ANO6: variants seen among roughly 807,000 people sequenced by gnomAD.
The protein encoded by ANO6 is anoctamin-6.
ANO6 carries 106 observed loss-of-function variants against 117.5 expected under a neutral mutation model. That is an observed-to-expected ratio of 0.90 (90% CI 0.77 to 1.06). The LOEUF is 1.06. ANO6 is among the 50% of genes least tolerant of loss of function. The probability of loss-of-function intolerance (pLI) is 0.00; values close to 1 mark genes in which losing one functional copy is unlikely to be tolerated. For missense variants in ANO6, 955 were observed against 1,121.1 expected, an observed-to-expected ratio of 0.85 and a Z score of 2.12; for synonymous variants, 367 against 385.1, an observed-to-expected ratio of 0.95 and a Z score of 0.55.
At chr12:45,306,336 A>G (rs1239954477) in intron 2 of ANO6, among the ~76,000 whole-genome samples, 1 of 152,196 alleles carries the variant, frequency 6.6e-6, no homozygotes, top group Non-Finnish European at 1.5e-5. Flanking sequence ...ATAATAAGAA[A>G]GAATTTGGGA....
chr12:45,260,405 A>G (rs928188527), intron 1 of ANO6, among the ~76,000 whole-genome samples: 4 of 152,218 alleles, frequency 2.6e-5, no homozygotes, highest in Non-Finnish European at 5.9e-5. Flanking sequence ...GTTGAATCTG[A>G]TGCAATCTCA....
At chr12:45,248,063 A>C (rs1050002187) in intron 1 of ANO6, among the ~76,000 whole-genome samples, 1 of 152,176 alleles carries the variant, frequency 6.6e-6, no homozygotes, top group Non-Finnish European at 1.5e-5. Flanking sequence ...TGCTAATATC[A>C]CCACAGATAA....
chr12:45,438,799 C>T (rs1376541179), intron 19 of ANO6, among the ~76,000 whole-genome samples: 1 of 152,084 alleles, frequency 6.6e-6, no homozygotes, highest in Non-Finnish European at 1.5e-5. Context: ...TAGAGGCCCA[C>T]TGCAAAAACA....
At chr12:45,344,187 A>G (rs181883980) in intron 3 of ANO6, among the ~76,000 whole-genome samples, 8 of 152,320 alleles carry the variant, frequency 5.3e-5, no homozygotes, top group Non-Finnish European at 1.0e-4. Flanking sequence ...AAGTTTCTCT[A>G]TATTTCCTCT....
At chr12:45,281,273 T>A (rs1351960710) in intron 1 of ANO6, among the ~76,000 whole-genome samples, 1 of 152,266 alleles carries the variant, frequency 6.6e-6, no homozygotes. Context: ...GTCCTCATGA[T>A]GCTTGTAGTC....
chr12:45,406,620 G>A (rs1300950077), intron 15 of ANO6, among the ~76,000 whole-genome samples: 1 of 152,064 alleles, frequency 6.6e-6, no homozygotes, highest in Non-Finnish European at 1.5e-5. Context: ...TGTTTTAGGA[G>A]AAAATGTCCC....
intron 8 of ANO6, among the ~76,000 whole-genome samples, chr12:45,366,504 T>G (rs1429559328): frequency 1.3e-5 from 2 of 152,224 alleles, no homozygotes; most frequent in East Asian, 3.9e-4. Flanking sequence ...CAGTTCTCAC[T>G]TTACTAATTT....
intron 2 of ANO6, among the ~76,000 whole-genome samples, chr12:45,302,443 G>A (rs147855970): frequency 7.2e-5 from 11 of 152,260 alleles, no homozygotes; most frequent in Non-Finnish European, 1.3e-4. Context: ...CAGTCTTTAA[G>A]CATATACAGG....
chr12:45,378,833 CT>C (rs1479388200), intron 10 of ANO6, among the ~76,000 whole-genome samples: 1 of 152,102 alleles, frequency 6.6e-6, no homozygotes. Context: ...TCATACACTT[CT>C]ATGTGAGCGG....
intron 17 of ANO6, among the ~76,000 whole-genome samples, chr12:45,417,273 G>A (rs190326244): frequency 5.5e-4 from 84 of 152,014 alleles, no homozygotes; most frequent in Admixed American, 3.0e-3. Flanking sequence ...AGAGTTTGAG[G>A]GCCCTAAAAT....
intron 1 of ANO6, among the ~76,000 whole-genome samples, chr12:45,281,055 C>CGT (rs1233320577): frequency 2.0e-5 from 3 of 151,960 alleles, no homozygotes; most frequent in South Asian, 2.1e-4. Context: ...TTTCCATCAA[C>CGT]GTGTGTATGT....
At position 45,297,168 on chromosome 12, in the gene ANO6, T is replaced by C. The variant is rs74825202; in HGVS notation, c.71-4846T>C. ...TTTGTGCCAGGCCTTGGTATACTTT[T>C]ACTTGCTCTCTCTCTATATATTCAC... On this transcript the variant is annotated intron_variant, in intron 1 of 19. Coordinates refer to ENST00000320560, the MANE Select transcript of ANO6 (RefSeq NM_001025356.3). Among the ~76,000 whole-genome samples, 565 of 152,332 alleles carry C rather than the reference T, an allele frequency of 3.7e-3. 1 individual carries two copies. Among genetic ancestry groups the C allele is most frequent in the Non-Finnish European group, 6.7e-3 (458 of 68,026 alleles).
At chr12:45,414,038 A>G (rs146437832) in intron 16 of ANO6, among the ~76,000 whole-genome samples, 25 of 152,190 alleles carry the variant, frequency 1.6e-4, no homozygotes, top group Admixed American at 3.9e-4. Flanking sequence ...CTGAAAAGGA[A>G]CATCAGCTTA....
At chr12:45,416,039 CCACT>C (rs1943204410) in intron 16 of ANO6, among the ~76,000 whole-genome samples, 1 of 152,180 alleles carries the variant, frequency 6.6e-6, no homozygotes, top group African/African-American at 2.4e-5. Flanking sequence ...TTCTAAGCCA[CCACT>C]CAAATTTTGA....
At chr12:45,392,359 G>A (rs970749723) in intron 12 of ANO6, among the ~76,000 whole-genome samples, 1 of 152,210 alleles carries the variant, frequency 6.6e-6, no homozygotes, top group African/African-American at 2.4e-5. Context: ...AGCTCAAACT[G>A]GGCAGAGCCC....
chr12:45,244,513 TG>T (rs1297676504), intron 1 of ANO6, among the ~76,000 whole-genome samples: 1 of 151,914 alleles, frequency 6.6e-6, no homozygotes, highest in East Asian at 1.9e-4. Flanking sequence ...CGCAGGTCTC[TG>T]GTGAGAGGAA....
chr12:45,389,026 T>G (rs952126871), intron 11 of ANO6, among the ~76,000 whole-genome samples: 1 of 152,240 alleles, frequency 6.6e-6, no homozygotes, highest in African/African-American at 2.4e-5. Context: ...TTGAGCTGAT[T>G]GTACTTGCAG....
intron 16 of ANO6, among the ~76,000 whole-genome samples, chr12:45,411,938 CAT>C (rs1291148377): frequency 6.7e-6 from 1 of 148,266 alleles, no homozygotes; most frequent in Non-Finnish European, 1.5e-5. Flanking sequence ...ACCTTATACT[CAT>C]AAACATTTAA....
intron 1 of ANO6, among the ~76,000 whole-genome samples, chr12:45,226,704 G>A (rs1024839167): frequency 2.0e-5 from 3 of 151,922 alleles, no homozygotes; most frequent in African/African-American, 7.3e-5. Context: ...TTTTCTTGTG[G>A]TGTCACATAG....
Sources: allele counts gnomAD v4.1 joint callset (sites outside exome capture counted in the v4.1 genomes callset), GRCh38; gene constraint gnomAD v4.1.1; transcripts MANE v1.5; gene names NCBI Gene and HGNC (gene_info 2026-07-23, HGNC 2026-07-21).